The following GRIA4 variants were observed in gnomAD, a reference collection of about 807,000 sequenced individuals.
The protein encoded by GRIA4 is glutamate receptor 4.
A neutral mutation model predicts 104.0 loss-of-function variants in GRIA4; 34 were observed. The observed-to-expected ratio is 0.33, with a 90% CI of 0.25 to 0.44. GRIA4 has a LOEUF of 0.44. Ranked by LOEUF, GRIA4 falls within the 20% of genes least tolerant of loss-of-function variation. The pLI is 1.00. For missense variants in GRIA4, 750 were observed against 1,096.5 expected (o/e 0.68, Z 4.46); for synonymous variants, 386 against 381.9 (o/e 1.01, Z -0.13).
At chr11:105,841,562 T>C (rs1184496913) in intron 4 of GRIA4, among the ~76,000 whole-genome samples, 1 of 152,192 alleles carries the variant, frequency 6.6e-6, no homozygotes, top group Non-Finnish European at 1.5e-5. Context: ...AAAAGAGTTT[T>C]TTATTCTAAA....
At chr11:105,968,863 G>A (rs72981955) in intron 14 of GRIA4, among the ~76,000 whole-genome samples, 15 of 152,250 alleles carry the variant, frequency 9.9e-5, no homozygotes, top group Non-Finnish European at 1.6e-4. Context: ...TTTAGTCAAA[G>A]CACAAACCAT....
At chr11:105,869,145 T>C (rs772665875) in intron 5 of GRIA4, among the ~76,000 whole-genome samples, 8 of 151,886 alleles carry the variant, frequency 5.3e-5, no homozygotes, top group Non-Finnish European at 8.8e-5. Context: ...AAGTAAAAAA[T>C]AGGATAAAAT....
chr11:105,801,607 T>C (rs1045833943), intron 4 of GRIA4, among the ~76,000 whole-genome samples: 2 of 152,060 alleles, frequency 1.3e-5, no homozygotes, highest in African/African-American at 4.8e-5. Flanking sequence ...AATCTTCCAA[T>C]TGAAAACTTT....
At chr11:105,813,467 A>G (rs1943256735) in intron 4 of GRIA4, among the ~76,000 whole-genome samples, 2 of 152,168 alleles carry the variant, frequency 1.3e-5, no homozygotes, top group African/African-American at 4.8e-5. Flanking sequence ...TACTTTATGA[A>G]TGACTCCAAG....
chr11:105,805,940 A>G (rs188284758), intron 4 of GRIA4, among the ~76,000 whole-genome samples: 93 of 152,008 alleles, frequency 6.1e-4, no homozygotes, highest in Non-Finnish European at 8.7e-4. Context: ...AGAAGAAAAT[A>G]TAATTAGATT....
chr11:105,631,390 A>G (rs1370309837), intron 3 of GRIA4, among the ~76,000 whole-genome samples: 2 of 152,354 alleles, frequency 1.3e-5, no homozygotes, highest in East Asian at 3.9e-4. Flanking sequence ...GTAAAATTGG[A>G]CCGATATACT....
chr11:105,801,838 A>G (rs1194245332), intron 4 of GRIA4, among the ~76,000 whole-genome samples: 1 of 152,154 alleles, frequency 6.6e-6, no homozygotes, highest in Non-Finnish European at 1.5e-5. Flanking sequence ...GTATTCAAGC[A>G]AAGATTTCAT....
At chr11:105,759,916 A>C (rs746623611) in intron 4 of GRIA4, among the ~76,000 whole-genome samples, 51 of 152,146 alleles carry the variant, frequency 3.4e-4, no homozygotes, top group Admixed American at 2.5e-3. Flanking sequence ...TTATCATAGT[A>C]GAGACTCTGT....
chr11:105,950,729 C>T (rs1948435723), intron 14 of GRIA4, among the ~76,000 whole-genome samples: 1 of 152,018 alleles, frequency 6.6e-6, no homozygotes, highest in Admixed American at 6.6e-5. Context: ...TTTCTCAGCT[C>T]AAGGAGTATT....
chr11:105,739,725 A>C (rs1190174422), intron 3 of GRIA4, among the ~76,000 whole-genome samples: 1 of 152,152 alleles, frequency 6.6e-6, no homozygotes, highest in Non-Finnish European at 1.5e-5. Flanking sequence ...TTATCATTTT[A>C]ACATCAAATA....
At chr11:105,612,183 C>A in intron 2 of GRIA4, 93 bp from the exon 3 acceptor site, 3 of 1,129,152 alleles carry the variant, frequency 2.7e-6, no homozygotes, top group Non-Finnish European at 3.9e-6. Flanking sequence ...ATTGTATGTG[C>A]TTGTGAATGG....
rs200080899 is a variant in GRIA4 at position 105,760,726 on chromosome 11, G to GT, written c.487+7515dup. Reference sequence around the variant, plus strand: ...TTTCATGATTCTAAGGCCTATTCATGTTTTTTTTTCACTTCTCTTTCTATC... The same window carrying GT: ...TTTCATGATTCTAAGGCCTATTCATGTTTTTTTTTTCACTTCTCTTTCTATC... On this transcript the variant is annotated intron_variant, in intron 4 of 16. Transcript: ENST00000282499. 2.5e-3 allele frequency among the ~76,000 whole-genome samples: 369 copies of GT among 149,810 alleles called. 1 individual carries two copies. Among genetic ancestry groups the GT allele is most frequent in the African/African-American group, 3.5e-3 (143 of 40,816 alleles).
chr11:105,765,590 T>C (rs1034646089), intron 4 of GRIA4, among the ~76,000 whole-genome samples: 5 of 152,216 alleles, frequency 3.3e-5, no homozygotes, highest in Admixed American at 1.3e-4. Flanking sequence ...ATCAGTAAAC[T>C]TCAAATCTTC....
At chr11:105,771,440 T>C (rs1016741320) in intron 4 of GRIA4, among the ~76,000 whole-genome samples, 3 of 152,076 alleles carry the variant, frequency 2.0e-5, no homozygotes, top group Admixed American at 2.0e-4. Context: ...ATGCTATTTT[T>C]GCCCTTGCCC....
chr11:105,761,281 A>G (rs1215062659), intron 4 of GRIA4, among the ~76,000 whole-genome samples: 1 of 151,672 alleles, frequency 6.6e-6, no homozygotes, highest in African/African-American at 2.4e-5. Flanking sequence ...TAACATAGCT[A>G]CTCATGTTTT....
Position 105,636,694 on chromosome 11 carries a change from T to C in GRIA4, c.247+24260T>C, listed in dbSNP as rs547839916. Among the ~76,000 whole-genome samples, 4 of 152,270 alleles carry C rather than the reference T, an allele frequency of 2.6e-5. No homozygotes were observed. In the East Asian group the frequency reaches 5.8e-4, roughly 22 times the overall value. On this transcript the variant is annotated intron_variant, in intron 3 of 16. Transcript: ENST00000282499. ...TGGTGTGACAAGGTCATTGTTAACATATGCTTTGGAAAAAAAGGATGCTTA... is the reference window on the plus strand; with the variant it reads ...TGGTGTGACAAGGTCATTGTTAACACATGCTTTGGAAAAAAAGGATGCTTA...
chr11:105,639,302 T>A (rs999025893), intron 3 of GRIA4, among the ~76,000 whole-genome samples: 1 of 152,086 alleles, frequency 6.6e-6, no homozygotes, highest in Non-Finnish European at 1.5e-5. Flanking sequence ...GCAAAATATA[T>A]TTTAAAATTC....
intron 4 of GRIA4, among the ~76,000 whole-genome samples, chr11:105,831,479 G>A (rs985590598): frequency 1.3e-5 from 2 of 151,956 alleles, no homozygotes; most frequent in African/African-American, 4.8e-5. Context: ...GGCTATCTTT[G>A]GAGATGCCTT....
In GRIA4 at chr11:105,660,992, A is replaced by C. The variant is rs138199465; in HGVS notation, c.247+48558A>C. ...GAGAAAGTATGTGTTCTTAACCTTG[A>C]CTGTATAGAAGAAAAAATTCAAATT... On this transcript the variant is annotated intron_variant, in intron 3 of 16. Transcript: ENST00000282499. Among the ~76,000 whole-genome samples the C allele has an allele frequency of 5.1e-3, 777 of 151,754 alleles. 4 individuals are homozygous for C. Among genetic ancestry groups the C allele is most frequent in the Non-Finnish European group, 6.5e-3 (442 of 67,708 alleles).
Sources: gnomAD v4.1 joint callset for allele counts (sites outside exome capture counted in the v4.1 genomes callset) on GRCh38, gnomAD v4.1.1 for gene constraint, MANE v1.5 for transcripts, NCBI Gene and HGNC (gene_info 2026-07-23, HGNC 2026-07-21) for gene names.